MYO3B: variants seen among roughly 807,000 people sequenced by gnomAD.
MYO3B encodes the protein myosin IIIB.
A neutral mutation model predicts 174.6 loss-of-function variants in MYO3B; 156 were observed. The observed-to-expected ratio is 0.89, with a 90% CI of 0.78 to 1.02. MYO3B has a LOEUF of 1.02. MYO3B is among the 50% of genes least tolerant of loss of function. MYO3B has a pLI of 0.00. For missense variants in MYO3B, 1,632 were observed against 1,639.4 expected (o/e 1.00, Z 0.08); for synonymous variants, 563 against 569.1 (o/e 0.99, Z 0.15).
At chr2:170,407,995 A>T (rs1046769623) in intron 22 of MYO3B, 151 bp downstream of exon 22, 1 of 958,570 alleles carries the variant, frequency 1.0e-6, no homozygotes, top group South Asian at 1.6e-5. Flanking sequence ...GAAAAGGAAA[A>T]TGTTTGTTTC....
intron 32 of MYO3B, among the ~76,000 whole-genome samples, chr2:170,586,025 C>CA (rs1336955264): frequency 6.6e-6 from 1 of 151,924 alleles, no homozygotes; most frequent in Non-Finnish European, 1.5e-5. Flanking sequence ...CAAAACAAAA[C>CA]AAAAAACAAA....
intron 28 of MYO3B, among the ~76,000 whole-genome samples, chr2:170,505,932 T>C (rs766815618): frequency 6.6e-6 from 1 of 152,226 alleles, no homozygotes; most frequent in Non-Finnish European, 1.5e-5. Context: ...TTATTTTCTC[T>C]TTCTCTCTGT....
At position 170,515,016 on chromosome 2, in the gene MYO3B, C is replaced by A. The variant is rs778985767; in HGVS notation, c.3466C>A (p.His1156Asn). 8.7e-6 allele frequency: 14 copies of A among 1,613,578 alleles called. No homozygotes were observed. In the East Asian group the frequency reaches 3.1e-4, roughly 36 times the overall value. ...TCAAGACTGCAGCGAGCCTGGTGACCATAAAGGTAGAGTCTTTCGAGATTT... is the reference window on the plus strand; with the variant it reads ...TCAAGACTGCAGCGAGCCTGGTGACAATAAAGGTAGAGTCTTTCGAGATTT... ...EVQDCSEPGD[H>N]KVLRGSVHRR... Residue 1156 changes from histidine (H) to asparagine (N), a missense_variant, in exon 29 of 35, where the codon CAT becomes AAT. By Grantham distance (68) the His-to-Asn change is moderately conservative. Transcript: ENST00000408978.
chr2:170,553,560 G>A (rs1202267556), intron 32 of MYO3B, among the ~76,000 whole-genome samples: 1 of 92,052 alleles, frequency 1.1e-5, no homozygotes, highest in Non-Finnish European at 2.2e-5. Context: ...ACCTGTTTTT[G>A]GTTTTACAGG....
intron 22 of MYO3B, among the ~76,000 whole-genome samples, chr2:170,408,938 A>G (rs578222005): frequency 1.3e-5 from 2 of 152,214 alleles, no homozygotes; most frequent in South Asian, 2.1e-4. Context: ...GTTTAATTCA[A>G]TATGGAATCC....
intron 23 of MYO3B, among the ~76,000 whole-genome samples, chr2:170,455,466 A>G (rs995197272): frequency 3.3e-5 from 5 of 152,248 alleles, no homozygotes; most frequent in African/African-American, 7.2e-5. Flanking sequence ...AGGCATGGCC[A>G]TCTACTGGCT....
intron 22 of MYO3B, among the ~76,000 whole-genome samples, chr2:170,437,348 T>C (rs530711438): frequency 6.6e-6 from 1 of 152,148 alleles, no homozygotes; most frequent in African/African-American, 2.4e-5. Context: ...AAATGACAGA[T>C]GCAGGAATGT....
At chr2:170,515,230 G>A (rs1688234541) in intron 29 of MYO3B, among the ~76,000 whole-genome samples, 1 of 152,202 alleles carries the variant, frequency 6.6e-6, no homozygotes, top group African/African-American at 2.4e-5. Flanking sequence ...AATAGATGGG[G>A]ATAAGCTCCG....
At position 170,510,871 on chromosome 2, in the gene MYO3B, A is replaced by G. The variant is rs115962100; in HGVS notation, c.3371-4050A>G. Among the ~76,000 whole-genome samples the G allele has an allele frequency of 4.7e-3, 715 of 152,284 alleles. 8 individuals carry two copies. The highest frequency in any genetic ancestry group is 0.015 in the African/African-American group (624 of 41,542). ...TTGAGTCTGGCTTTTTTCACTTAGC[A>G]TAATGCTTCTGAGATTCATCTGCGT... On this transcript the variant is annotated intron_variant, in intron 28 of 34. Coordinates refer to ENST00000408978, the MANE Select transcript of MYO3B (RefSeq NM_138995.5).
At chr2:170,263,685 C>T (rs1279880750) in intron 7 of MYO3B, among the ~76,000 whole-genome samples, 2 of 152,092 alleles carry the variant, frequency 1.3e-5, no homozygotes, top group Non-Finnish European at 2.9e-5. Flanking sequence ...TGATTTTCTC[C>T]TATCTCAGTA....
chr2:170,270,958 T>C (rs2093421456), intron 7 of MYO3B, among the ~76,000 whole-genome samples: 1 of 152,164 alleles, frequency 6.6e-6, no homozygotes, highest in Non-Finnish European at 1.5e-5. Flanking sequence ...ATCCATGGAG[T>C]TGGGTAACAC....
In MYO3B at chr2:170,361,566, G is replaced by A. The variant is rs566792282; in HGVS notation, c.816-7656G>A. ...AAATGCCGTAGGACAGTTTGAAAGC[G>A]TAGCTTAAACATAAGAAGGAGGTGC... On this transcript the variant is annotated intron_variant, in intron 8 of 34. Coordinates refer to ENST00000408978, the MANE Select transcript of MYO3B (RefSeq NM_138995.5). 2.6e-5 allele frequency among the ~76,000 whole-genome samples: 4 copies of A among 152,338 alleles called. No homozygotes were observed. The South Asian group carries it at 6.2e-4, about 24-fold the overall frequency.
chr2:170,243,207 G>T (rs1249402926), intron 7 of MYO3B, among the ~76,000 whole-genome samples: 1 of 152,182 alleles, frequency 6.6e-6, no homozygotes, highest in African/African-American at 2.4e-5. Context: ...GAGTCTATGG[G>T]TTTCTCTGGG....
chr2:170,290,748 C>A (rs2093590166), intron 7 of MYO3B, among the ~76,000 whole-genome samples: 1 of 152,036 alleles, frequency 6.6e-6, no homozygotes, highest in Non-Finnish European at 1.5e-5. Flanking sequence ...TTTTGAGACT[C>A]CTCTCTTCCT....
chr2:170,483,494 C>T (rs914731708), intron 25 of MYO3B, among the ~76,000 whole-genome samples: 5 of 127,860 alleles, frequency 3.9e-5, no homozygotes, highest in Admixed American at 2.4e-4. Flanking sequence ...TCACGCCATT[C>T]TCCTGCCTCA....
chr2:170,511,061 G>C, intron 28 of MYO3B, among the ~76,000 whole-genome samples: 1 of 132,048 alleles, frequency 7.6e-6, no homozygotes, highest in African/African-American at 2.7e-5. Context: ...TTTTCCTTTT[G>C]TTTTTTTTTT....
chr2:170,432,600 G>A (rs12619912), intron 22 of MYO3B, among the ~76,000 whole-genome samples: 94,436 of 149,772 alleles, frequency 0.63, 29,955 homozygotes, highest in African/African-American at 0.7. Flanking sequence ...TTTTTGAGAC[G>A]GAGTCTTGCT....
At chr2:170,472,288 A>G (rs560481257) in intron 25 of MYO3B, among the ~76,000 whole-genome samples, 11 of 152,224 alleles carry the variant, frequency 7.2e-5, no homozygotes, top group African/African-American at 2.6e-4. Context: ...AGTCCACCTG[A>G]TTTGGCCCCT....
In MYO3B at chr2:170,483,375, CTTTTTTTTTTT is replaced by C. The variant is rs61527598; in HGVS notation, c.3015-15198_3015-15188del. Among the ~76,000 whole-genome samples the C allele has an allele frequency of 9.5e-4, 59 of 62,100 alleles. No individual in the cohort carries two copies. In the East Asian group the frequency reaches 0.017, roughly 18 times the overall value. 40.7% of individuals were successfully genotyped at this position (62,100 alleles called of 152,430 possible). On this transcript the variant is annotated intron_variant, in intron 25 of 34. Coordinates refer to ENST00000408978, the MANE Select transcript of MYO3B (RefSeq NM_138995.5). The stretch of plus-strand genomic sequence containing the variant: ...AATTAAAACTCCTTGCTTGGGGATT[CTTTTTTTTTTT>C]TTTTTTTTTTTTTTTTTTGAGACGG...
Sources: gnomAD v4.1 joint callset for allele counts (sites outside exome capture counted in the v4.1 genomes callset) on GRCh38, gnomAD v4.1.1 for gene constraint, MANE v1.5 for transcripts, NCBI Gene and HGNC (gene_info 2026-07-23, HGNC 2026-07-21) for gene names.